The following SH3GL3 variants were observed in gnomAD, a reference collection of about 807,000 sequenced individuals.
SH3GL3 encodes the protein SH3 domain containing GRB2 like 3, endophilin A3.
SH3GL3 carries 33 observed loss-of-function variants against 47.7 expected under a neutral mutation model. The ratio of observed to expected loss-of-function variants is 0.69; its 90% confidence interval spans 0.52 to 0.92. The LOEUF (loss-of-function observed/expected upper bound fraction) is 0.92. SH3GL3 is among the 40% of genes least tolerant of loss of function. The pLI is 0.00. For synonymous variants in SH3GL3, 155 were observed against 148.8 expected (o/e 1.04, Z -0.30); for missense variants, 363 against 417.8 (o/e 0.87, Z 1.14).
chr15:83,590,156 A>C (rs1157504450), intron 8 of SH3GL3, among the ~76,000 whole-genome samples: 1 of 152,092 alleles, frequency 6.6e-6, no homozygotes. Context: ...CTCTTTCCAT[A>C]TGAGGATATT....
intron 1 of SH3GL3, among the ~76,000 whole-genome samples, chr15:83,506,481 A>G (rs2042508883): frequency 6.6e-6 from 1 of 152,180 alleles, no homozygotes; most frequent in African/African-American, 2.4e-5. Flanking sequence ...TCTGCGGGAC[A>G]CATCTGATAG....
chr15:83,521,533 G>A lies in SH3GL3; in HGVS notation c.46-37720G>A, dbSNP rs191493286. The stretch of plus-strand genomic sequence containing the variant: ...TTTACCCGCTGCTGGAAGGATGACC[G>A]TCAAGGCTAAAAGCAGGAACACAGT... On this transcript the variant is annotated intron_variant, in intron 1 of 8. Coordinates refer to ENST00000427482, the MANE Select transcript of SH3GL3 (RefSeq NM_003027.5). Among the ~76,000 whole-genome samples, 18 of 152,250 alleles carry A rather than the reference G, an allele frequency of 1.2e-4. No homozygotes were observed. The East Asian group carries it at 2.3e-3, about 20-fold the overall frequency.
chr15:83,464,591 T>G (rs1337969014), intron 1 of SH3GL3, among the ~76,000 whole-genome samples: 1 of 152,200 alleles, frequency 6.6e-6, no homozygotes, highest in Non-Finnish European at 1.5e-5. Context: ...CAAACTGTTT[T>G]TCTACTTGTG....
At chr15:83,577,041 G>A (rs2059702013) in intron 6 of SH3GL3, among the ~76,000 whole-genome samples, 1 of 148,582 alleles carries the variant, frequency 6.7e-6, no homozygotes, top group East Asian at 2.0e-4. Context: ...CTTCTGAGTA[G>A]CTAGGATTAC....
At chr15:83,531,086 C>T (rs182465948) in intron 1 of SH3GL3, among the ~76,000 whole-genome samples, 1 of 152,336 alleles carries the variant, frequency 6.6e-6, no homozygotes, top group Admixed American at 6.5e-5. Flanking sequence ...AACATGCCCA[C>T]AGATTATTTC....
chr15:83,575,017 C>T (rs1467226034), intron 5 of SH3GL3, among the ~76,000 whole-genome samples: 4 of 152,156 alleles, frequency 2.6e-5, no homozygotes, highest in Non-Finnish European at 4.4e-5. Flanking sequence ...AGTCACAAGC[C>T]TCCCACGTGG....
At chr15:83,457,190 T>C (rs2040033266) in intron 1 of SH3GL3, among the ~76,000 whole-genome samples, 2 of 152,232 alleles carry the variant, frequency 1.3e-5, no homozygotes, top group Non-Finnish European at 2.9e-5. Context: ...GACCTTCTTG[T>C]CTTCCAGGGT....
At chr15:83,591,228 G>A (rs536048213) in intron 8 of SH3GL3, among the ~76,000 whole-genome samples, 2 of 152,172 alleles carry the variant, frequency 1.3e-5, no homozygotes, top group African/African-American at 4.8e-5. Flanking sequence ...GGCTGGTCTC[G>A]AACTCCTGAC....
chr15:83,599,844 G>A (rs533532981), intron 8 of SH3GL3, among the ~76,000 whole-genome samples: 30 of 152,004 alleles, frequency 2.0e-4, no homozygotes, highest in East Asian at 3.9e-4. Context: ...ACCCATCCAC[G>A]CCAACATCTA....
At chr15:83,587,965 C>G (rs1299464765) in intron 7 of SH3GL3, among the ~76,000 whole-genome samples, 1 of 152,118 alleles carries the variant, frequency 6.6e-6, no homozygotes, top group African/African-American at 2.4e-5. Flanking sequence ...GATAGTTTAC[C>G]TGTTACTGAC....
intron 1 of SH3GL3, among the ~76,000 whole-genome samples, chr15:83,539,022 G>C (rs1183002513): frequency 6.6e-6 from 1 of 152,116 alleles, no homozygotes; most frequent in Non-Finnish European, 1.5e-5. Flanking sequence ...GGAAACACTT[G>C]TGTTGTTGTT....
intron 1 of SH3GL3, among the ~76,000 whole-genome samples, chr15:83,462,230 G>A (rs2040335696): frequency 6.6e-6 from 1 of 152,188 alleles, no homozygotes; most frequent in Admixed American, 6.5e-5. Flanking sequence ...CAAAACTGCT[G>A]ACTTCACACT....
chr15:83,596,382 G>A (rs1462642449), intron 8 of SH3GL3, among the ~76,000 whole-genome samples: 1 of 152,080 alleles, frequency 6.6e-6, no homozygotes, highest in African/African-American at 2.4e-5. Context: ...ATGTCAATTA[G>A]GTCAAATTAT....
At chr15:83,562,379 C>G (rs771308857) in intron 2 of SH3GL3, among the ~76,000 whole-genome samples, 43 of 152,122 alleles carry the variant, frequency 2.8e-4, no homozygotes, top group Non-Finnish European at 5.6e-4. Context: ...TATCCCCATT[C>G]TAATTCCTCT....
chr15:83,608,186 A>G (rs1377894787), intron 8 of SH3GL3, among the ~76,000 whole-genome samples: 1 of 152,236 alleles, frequency 6.6e-6, no homozygotes, highest in African/African-American at 2.4e-5. Context: ...AGTAATTTCA[A>G]TAAATCACAT....
intron 4 of SH3GL3, among the ~76,000 whole-genome samples, chr15:83,572,051 A>G (rs2045844748): frequency 6.6e-6 from 1 of 152,188 alleles, no homozygotes; most frequent in East Asian, 1.9e-4. Context: ...TTTCTTTGAC[A>G]TCAGAGAGGG....
At chr15:83,623,294 C>T (rs1250713624), downstream of SH3GL3, among the ~76,000 whole-genome samples, 1 of 152,220 alleles carries the variant, frequency 6.6e-6, no homozygotes, top group Non-Finnish European at 1.5e-5. Flanking sequence ...ATTTACTCAG[C>T]TCACAAGTCT....
intron 1 of SH3GL3, among the ~76,000 whole-genome samples, chr15:83,524,071 C>A (rs1461408474): frequency 6.6e-6 from 1 of 151,944 alleles, no homozygotes; most frequent in African/African-American, 2.4e-5. Flanking sequence ...TTAAGTCTGG[C>A]TTTTCTTGCA....
At chr15:83,528,618 A>G (rs62027546) in intron 1 of SH3GL3, among the ~76,000 whole-genome samples, 23,554 of 151,956 alleles carry the variant, frequency 0.16, 2,069 homozygotes, top group East Asian at 0.35. Flanking sequence ...TTTATTTCAT[A>G]TATTGAATTC....
Sources: allele counts gnomAD v4.1 joint callset (sites outside exome capture counted in the v4.1 genomes callset), GRCh38; gene constraint gnomAD v4.1.1; transcripts MANE v1.5; gene names NCBI Gene and HGNC (gene_info 2026-07-23, HGNC 2026-07-21).